The following CCL20 variants were observed in gnomAD, a reference collection of about 807,000 sequenced individuals.
CCL20 encodes the protein C-C motif chemokine ligand 20.
Under a neutral mutation model 10.8 loss-of-function variants are expected in CCL20, and 8 were observed. The observed-to-expected ratio is 0.74, with a 90% confidence interval of 0.44 to 1.34. CCL20 has a LOEUF of 1.34. CCL20 is among the 40% of genes most tolerant of loss of function. The pLI is 0.01. For synonymous variants in CCL20, 40 were observed against 39.4 expected, an observed-to-expected ratio of 1.02 and a Z score of -0.06; for missense variants, 107 against 117.9, an observed-to-expected ratio of 0.91 and a Z score of 0.43.
At position 227,817,245 on chromosome 2, in the gene CCL20, T is replaced by C. The variant is rs1690036095; in HGVS notation, c.*162T>C. 1 of 516,470 alleles carries C rather than the reference T, an allele frequency of 1.9e-6. No individual in the cohort carries two copies. The highest frequency in any genetic ancestry group is 3.6e-6 in the Non-Finnish European group (1 of 280,938). The allele number at this position is 516,470 out of a possible 1,614,324, so 32.0% of individuals were successfully genotyped here. ...AATGAAGTTGATTCATATTGCATCA[T>C]AGTTTGCTTTGTTTAAGCATCACAT... On this transcript the variant is annotated 3_prime_UTR_variant, in exon 4 of 4. Transcript: ENST00000358813.
In CCL20 at chr2:227,813,917, C is replaced by G. The variant is rs1211359082; in HGVS notation, c.6C>G (p.Cys2Trp). Residue 2 changes from cysteine to tryptophan, a missense_variant, in exon 1 of 4, where the codon TGC (cysteine) becomes TGG (tryptophan). Transcript: ENST00000358813. ...TGTTCTTTGAGCTAAAAACCATGTG[C>G]TGTACCAAGAGTTTGCTCCTGGCTG... M[C>W]CTKSLLLAAL... 6.2e-7 allele frequency: 1 copy of G among 1,613,516 alleles called. No homozygotes were observed. Among genetic ancestry groups the G allele is most frequent in the African/African-American group, 1.3e-5 (1 of 74,912 alleles).
Position 227,813,994 on chromosome 2 carries a change from G to A in CCL20, c.76+7G>A. 6.2e-7 allele frequency: 1 copy of A among 1,612,668 alleles called. No individual in the cohort carries two copies. Among genetic ancestry groups the A allele is most frequent in the Non-Finnish European group, 8.5e-7 (1 of 1,178,604 alleles). On this transcript the variant is annotated splice_region_variant and intron_variant, in intron 1 of 3. Transcript: ENST00000358813. ...CTCTGCGGCGAATCAGAAGGTAAGT[G>A]TCGCTCTTTCCGCTAGCACAGAAGA...
chr2:227,814,631 G>A (rs139595464), intron 1 of CCL20, among the ~76,000 whole-genome samples: 45 of 151,890 alleles, frequency 3.0e-4, no homozygotes, highest in Admixed American at 6.5e-4. Context: ...ACCCAGGCCA[G>A]AGTGCAGTGG....
At chr2:227,817,038 C>T in intron 3 of CCL20, 24 bp from the exon 4 acceptor site, 1 of 1,591,730 alleles carries the variant, frequency 6.3e-7, no homozygotes, top group Non-Finnish European at 8.6e-7. Flanking sequence ...ATTACTTACA[C>T]TTTTCTTCTT....
intron 1 of CCL20, among the ~76,000 whole-genome samples, chr2:227,815,163 T>C (rs922834468): frequency 2.0e-5 from 3 of 152,198 alleles, no homozygotes; most frequent in African/African-American, 4.8e-5. Flanking sequence ...TTTGTATTTC[T>C]TACTGAAGAT....
intron 2 of CCL20, 57 bp from the exon 3 acceptor site, chr2:227,816,250 T>C: frequency 6.2e-6 from 6 of 965,930 alleles, no homozygotes; most frequent in Non-Finnish European, 1.0e-5. Flanking sequence ...TTGTATGTTC[T>C]ATGAAAAACC....
At chr2:227,815,286 G>A (rs1000877730) in intron 1 of CCL20, 168 bp from the exon 2 acceptor site, 1 of 462,234 alleles carries the variant, frequency 2.2e-6, no homozygotes, top group South Asian at 4.2e-5. Flanking sequence ...GGTTCTCAAC[G>A]ACCTTACAAA....
At chr2:227,814,757 A>ATTT (rs112995464) in intron 1 of CCL20, among the ~76,000 whole-genome samples, 1 of 139,492 alleles carries the variant, frequency 7.2e-6, no homozygotes, top group East Asian at 2.1e-4. Flanking sequence ...ATTTTTTTAC[A>ATTT]TTTTTTTTTT....
chr2:227,816,342 A>G lies in CCL20; in HGVS notation c.227A>G (p.Asn76Ser). Reference protein sequence around the residue: ...HTKKKLSVCANPKQTWVKYIV... With the variant: ...HTKKKLSVCASPKQTWVKYIV... ...AAGAAAAAGTTGTCTGTGTGCGCAAATCCAAAACAGACTTGGGTGAAATAT... is the reference window on the plus strand; with the variant it reads ...AAGAAAAAGTTGTCTGTGTGCGCAAGTCCAAAACAGACTTGGGTGAAATAT... Residue 76 changes from asparagine (N) to serine (S), a missense_variant, in exon 3 of 4, where the codon AAT becomes AGT. By Grantham distance (46) the Asn-to-Ser change is conservative (BLOSUM62 1). Coordinates refer to ENST00000358813, the MANE Select transcript of CCL20 (RefSeq NM_004591.3). The G allele has an allele frequency of 6.2e-7, 1 of 1,611,814 alleles. No homozygotes were observed. The highest frequency in any genetic ancestry group is 1.3e-5 in the African/African-American group (1 of 74,996).
rs1259518494 is a variant in CCL20 at position 227,813,959 on chromosome 2, G to T, written c.48G>T (p.Leu16=). The T allele has an allele frequency of 5.6e-6, 9 of 1,614,128 alleles. No individual in the cohort carries two copies. The highest frequency in any genetic ancestry group is 7.6e-6 in the Non-Finnish European group (9 of 1,179,948). ...SLLLAALMSV[L]LLHLCGESEA... is the part of the protein sequence containing the mutation. ...TCCTGGCTGCTTTGATGTCAGTGCT[G>T]CTACTCCACCTCTGCGGCGAATCAG... is the stretch of plus-strand genomic sequence containing the variant. The change falls in exon 1 of 4, where the codon CTG becomes CTT. Residue 16 remains leucine, a synonymous_variant. Coordinates refer to ENST00000358813, the MANE Select transcript of CCL20 (RefSeq NM_004591.3).
intron 1 of CCL20, among the ~76,000 whole-genome samples, chr2:227,814,678 G>A (rs1689997172): frequency 6.6e-6 from 1 of 151,864 alleles, no homozygotes; most frequent in South Asian, 2.1e-4. Flanking sequence ...ACCTCCTGGA[G>A]TCAAGTGAAC....
intron 3 of CCL20, among the ~76,000 whole-genome samples, chr2:227,816,757 C>T (rs2135483): frequency 0.089 from 13,483 of 152,182 alleles, 1,981 homozygotes; most frequent in African/African-American, 0.31. Context: ...TTCTGATTTA[C>T]GTTGACAATA....
rs1430904841 is a variant in CCL20 at position 227,817,354 on chromosome 2, T to C, written c.*271T>C. Reference sequence around the variant, plus strand: ...TAATACTAATTTTCCATAAGCTATTTTGGTTTAGTGCAAAGTATAAAATTA... The same window carrying C: ...TAATACTAATTTTCCATAAGCTATTCTGGTTTAGTGCAAAGTATAAAATTA... On this transcript the variant is annotated 3_prime_UTR_variant, in exon 4 of 4. Transcript: ENST00000358813. 1.6e-5 allele frequency: 4 copies of C among 253,868 alleles called. No individual in the cohort carries two copies. In the Admixed American group the frequency reaches 2.2e-4, roughly 14 times the overall value. 15.7% of individuals were successfully genotyped at this position (253,868 alleles called of 1,614,324 possible).
Position 227,817,430 on chromosome 2 carries a change from T to G in CCL20, c.*347T>G, listed in dbSNP as rs189256502. ...GGACTTTCTTGCAAGCAACAAGCTA[T>G]TTTTTAAAAAAAACTATTTAACATT... On this transcript the variant is annotated 3_prime_UTR_variant, in exon 4 of 4. Transcript: ENST00000358813. 55 of 168,054 alleles carry G rather than the reference T, an allele frequency of 3.3e-4. No individual in the cohort carries two copies. The East Asian group carries it at 7.2e-3, about 22-fold the overall frequency. The allele number at this position is 168,054 out of a possible 1,614,324, so 10.4% of individuals were successfully genotyped here. A position where few individuals can be genotyped will look rare whatever the true frequency, so the allele number is the denominator to read the frequency against.
At chr2:227,815,077 G>T (rs1477803475) in intron 1 of CCL20, among the ~76,000 whole-genome samples, 1 of 151,982 alleles carries the variant, frequency 6.6e-6, no homozygotes, top group African/African-American at 2.4e-5. Flanking sequence ...TCTACATAAG[G>T]GTTCCTTCAA....
At chr2:227,816,919 C>G in intron 3 of CCL20, 143 bp from the exon 4 acceptor site, 1 of 671,970 alleles carries the variant, frequency 1.5e-6, no homozygotes, top group Non-Finnish European at 2.7e-6. Context: ...CTCTAAACCT[C>G]AATTTCCTCA....
intron 1 of CCL20, 72 bp downstream of exon 1, chr2:227,814,059 G>A: frequency 2.3e-6 from 3 of 1,323,790 alleles, no homozygotes; most frequent in Non-Finnish European, 3.3e-6. Flanking sequence ...GAGCTCAACT[G>A]GGGGTCCCTA....
At chr2:227,814,223 T>C (rs1689988477) in intron 1 of CCL20, among the ~76,000 whole-genome samples, 1 of 152,022 alleles carries the variant, frequency 6.6e-6, no homozygotes, top group African/African-American at 2.4e-5. Context: ...CTCTTAGAGA[T>C]CCCTAAACTT....
intron 2 of CCL20, chr2:227,815,954 A>G (rs1690019409): frequency 4.1e-6 from 1 of 246,792 alleles, no homozygotes; most frequent in African/African-American, 2.3e-5. Flanking sequence ...GACTAATTAT[A>G]CTATCACATA....
Sources: gnomAD v4.1 joint callset for allele counts (sites outside exome capture counted in the v4.1 genomes callset) on GRCh38, gnomAD v4.1.1 for gene constraint, MANE v1.5 for transcripts, NCBI Gene and HGNC (gene_info 2026-07-23, HGNC 2026-07-21) for gene names.